The following SLC24A2 variants were observed in gnomAD, a reference collection of about 807,000 sequenced individuals.
SLC24A2 encodes sodium/potassium/calcium exchanger 2.
In SLC24A2, 36 loss-of-function variants were observed where a neutral mutation model predicts 62.0. The observed-to-expected ratio is 0.58, with a 90% CI of 0.44 to 0.77. SLC24A2 has a LOEUF of 0.77. SLC24A2 is among the 30% of genes least tolerant of loss of function. The probability of loss-of-function intolerance (pLI) is 0.00; values close to 1 mark genes in which losing one functional copy is unlikely to be tolerated. For missense variants in SLC24A2, 846 were observed against 817.9 expected, an observed-to-expected ratio of 1.03 and a Z score of -0.42; for synonymous variants, 358 against 294.0, an observed-to-expected ratio of 1.22 and a Z score of -2.23.
chr9:19,778,276 C>G (rs1822903568), intron 2 of SLC24A2, among the ~76,000 whole-genome samples: 1 of 152,128 alleles, frequency 6.6e-6, no homozygotes, highest in Non-Finnish European at 1.5e-5. Flanking sequence ...AGAACACTGA[C>G]CAAATACAAG....
At chr9:20,170,645 A>C in the SLC24A2 span, among the ~76,000 whole-genome samples, 9 of 151,948 alleles carry the variant, frequency 5.9e-5, no homozygotes, top group Admixed American at 5.9e-4. Flanking sequence ...GGACAAGGAG[A>C]AACAGGAAAG....
chr9:20,158,476 AGAAGGTGCCATTTAT>A, the SLC24A2 span, among the ~76,000 whole-genome samples: 5 of 151,772 alleles, frequency 3.3e-5, no homozygotes, highest in Non-Finnish European at 7.4e-5. Context: ...GAGGACACAT[AGAAGGTGCCATTTAT>A]GAAGAACAGG....
the SLC24A2 span, among the ~76,000 whole-genome samples, chr9:20,168,039 G>A: frequency 3.4e-4 from 52 of 151,886 alleles, no homozygotes; most frequent in Non-Finnish European, 6.5e-4. Context: ...AAGTCCCATA[G>A]GGTCATTATC....
chr9:19,871,387 A>G, the SLC24A2 span, among the ~76,000 whole-genome samples: 5 of 152,194 alleles, frequency 3.3e-5, no homozygotes, highest in African/African-American at 1.2e-4. Flanking sequence ...TCCAATTTGA[A>G]GAACAGAAAG....
chr9:19,815,039 G>A, the SLC24A2 span, among the ~76,000 whole-genome samples: 1 of 152,134 alleles, frequency 6.6e-6, no homozygotes, highest in Non-Finnish European at 1.5e-5. Context: ...TGGGATTTAT[G>A]AAAAATGTTT....
At chr9:19,965,333 C>T in the SLC24A2 span, among the ~76,000 whole-genome samples, 2 of 152,120 alleles carry the variant, frequency 1.3e-5, no homozygotes, top group African/African-American at 4.8e-5. Context: ...CTTTTAGTTA[C>T]TGAATTATAA....
At chr9:19,756,903 C>CATTTTT (rs1822156818) in intron 2 of SLC24A2, among the ~76,000 whole-genome samples, 2 of 78,522 alleles carry the variant, frequency 2.5e-5, no homozygotes, top group Non-Finnish European at 2.2e-5. Flanking sequence ...TTTACTGAAG[C>CATTTTT]TTTTTTTTTT....
the SLC24A2 span, among the ~76,000 whole-genome samples, chr9:20,190,887 G>C: frequency 6.6e-6 from 1 of 152,148 alleles, no homozygotes; most frequent in Non-Finnish European, 1.5e-5. Context: ...ATTAGATAAT[G>C]TTTATACATT....
At chr9:19,689,997 A>C (rs1005149543) in intron 2 of SLC24A2, among the ~76,000 whole-genome samples, 1 of 152,104 alleles carries the variant, frequency 6.6e-6, no homozygotes, top group African/African-American at 2.4e-5. Context: ...TTGATCTTTT[A>C]CTGCCCTCAG....
chr9:19,836,370 A>T, the SLC24A2 span, among the ~76,000 whole-genome samples: 2 of 152,176 alleles, frequency 1.3e-5, no homozygotes, highest in African/African-American at 4.8e-5. Context: ...AATTAAACAG[A>T]CGCAATAAAA....
chr9:20,290,943 A>G, the SLC24A2 span, among the ~76,000 whole-genome samples: 3 of 152,138 alleles, frequency 2.0e-5, no homozygotes, highest in Non-Finnish European at 2.9e-5. Context: ...TCTTCATGAG[A>G]ATTTTTTAAA....
the SLC24A2 span, among the ~76,000 whole-genome samples, chr9:19,841,921 A>C: frequency 1.3e-5 from 2 of 152,214 alleles, no homozygotes; most frequent in African/African-American, 2.4e-5. Context: ...ATGGAGGCTA[A>C]GCATGGGCTT....
At chr9:20,121,177 G>C in the SLC24A2 span, among the ~76,000 whole-genome samples, 1 of 149,300 alleles carries the variant, frequency 6.7e-6, no homozygotes, top group Non-Finnish European at 1.5e-5. Context: ...GATTTCAATT[G>C]AAATTGAATT....
At chr9:19,971,133 C>T in the SLC24A2 span, among the ~76,000 whole-genome samples, 9 of 152,256 alleles carry the variant, frequency 5.9e-5, no homozygotes, top group African/African-American at 2.2e-4. Context: ...TTGCATTATC[C>T]TTCTGCTCGC....
At chr9:19,703,275 A>T (rs1336259485) in intron 2 of SLC24A2, among the ~76,000 whole-genome samples, 1 of 152,194 alleles carries the variant, frequency 6.6e-6, no homozygotes, top group Non-Finnish European at 1.5e-5. Flanking sequence ...GCTCAGAGAG[A>T]TTACATGACT....
the SLC24A2 span, among the ~76,000 whole-genome samples, chr9:19,883,799 TC>T: frequency 2.0e-5 from 3 of 152,138 alleles, no homozygotes; most frequent in African/African-American, 7.2e-5. Flanking sequence ...TCTCCTGACC[TC>T]GTGATCCGCC....
At chr9:20,137,168 G>A in the SLC24A2 span, among the ~76,000 whole-genome samples, 1 of 152,146 alleles carries the variant, frequency 6.6e-6, no homozygotes, top group Non-Finnish European at 1.5e-5. Context: ...GTTCATTGAT[G>A]TGTGTGTAAA....
At chr9:19,785,872 C>G in intron 2 of SLC24A2, 65 bp downstream of exon 2, 1 of 1,609,302 alleles carries the variant, frequency 6.2e-7, no homozygotes, top group Non-Finnish European at 8.5e-7. Flanking sequence ...CTGCAGATCT[C>G]AAAAACATAA....
intron 9 of SLC24A2, among the ~76,000 whole-genome samples, chr9:19,526,135 T>G (rs1033787362): frequency 2.0e-5 from 3 of 152,248 alleles, no homozygotes; most frequent in African/African-American, 4.8e-5. Flanking sequence ...CTTTTTTCAC[T>G]TAGCATAATA....
Sources: gnomAD v4.1 joint callset for allele counts (sites outside exome capture counted in the v4.1 genomes callset) on GRCh38, gnomAD v4.1.1 for gene constraint, MANE v1.5 for transcripts, NCBI Gene and HGNC (gene_info 2026-07-23, HGNC 2026-07-21) for gene names.